The following RBMS3 variants were observed in gnomAD, a reference collection of about 807,000 sequenced individuals.
The protein encoded by RBMS3 is RNA binding motif single stranded interacting protein 3.
A neutral mutation model predicts 66.8 loss-of-function variants in RBMS3; 27 were observed. The observed-to-expected ratio is 0.40, with a 90% CI of 0.30 to 0.56. RBMS3 has a LOEUF of 0.56. RBMS3 is among the 20% of genes least tolerant of loss of function. The pLI is 0.40. For missense variants in RBMS3, 513 were observed against 549.5 expected (o/e 0.93, Z 0.66); for synonymous variants, 188 against 183.0 (o/e 1.03, Z -0.22).
intron 14 of RBMS3, chr3:29,991,661 A>T (rs2149803230): frequency 6.5e-6 from 1 of 153,584 alleles, no homozygotes; most frequent in Middle Eastern, 3.4e-3. Context: ...TCAATGTAGC[A>T]GTTCACTTTG....
intron 6 of RBMS3, among the ~76,000 whole-genome samples, chr3:29,853,788 C>T (rs970318798): frequency 1.3e-5 from 2 of 152,110 alleles, no homozygotes; most frequent in African/African-American, 4.8e-5. Flanking sequence ...GGAGCTTTGG[C>T]TCTTTGGGTG....
chr3:29,286,426 A>G (rs1286634542), intron 1 of RBMS3, among the ~76,000 whole-genome samples: 2 of 152,056 alleles, frequency 1.3e-5, no homozygotes, highest in Non-Finnish European at 2.9e-5. Flanking sequence ...TGCCTACTTA[A>G]AAGGAGTAGA....
At chr3:29,721,349 AT>A (rs1199810934) in intron 4 of RBMS3, among the ~76,000 whole-genome samples, 8 of 152,112 alleles carry the variant, frequency 5.3e-5, no homozygotes, top group Non-Finnish European at 1.2e-4. Flanking sequence ...TGGTGATGTA[AT>A]AACTATATAA....
intron 3 of RBMS3, among the ~76,000 whole-genome samples, chr3:29,491,788 T>A (rs1272110105): frequency 2.0e-5 from 3 of 152,098 alleles, no homozygotes; most frequent in Non-Finnish European, 4.4e-5. Flanking sequence ...GGTCAGGAGA[T>A]CGAGACCATC....
chr3:29,785,784 G>C (rs991596624), intron 6 of RBMS3, among the ~76,000 whole-genome samples: 1 of 152,036 alleles, frequency 6.6e-6, no homozygotes, highest in Non-Finnish European at 1.5e-5. Flanking sequence ...ACTGGAACAA[G>C]AGAAGGACTC....
At chr3:29,809,686 T>G (rs1183612002) in intron 6 of RBMS3, among the ~76,000 whole-genome samples, 1 of 152,018 alleles carries the variant, frequency 6.6e-6, no homozygotes, top group East Asian at 1.9e-4. Context: ...CTCACAGATT[T>G]TTTTTTAGGA....
intron 14 of RBMS3, among the ~76,000 whole-genome samples, chr3:29,998,452 C>T (rs201189544): frequency 0.1 from 15,579 of 151,930 alleles, 1,252 homozygotes; most frequent in African/African-American, 0.19. Flanking sequence ...GAGCCCACAT[C>T]GCCAAGTCAA....
chr3:29,868,915 A>G lies in RBMS3; in HGVS notation c.695A>G (p.Asn232Ser). ...FADGGQKKRQNQSKYTQNGRP... is the reference protein window; with the variant it reads ...FADGGQKKRQSQSKYTQNGRP... The stretch of plus-strand genomic sequence containing the variant: ...GATGGAGGACAAAAGAAGCGACAGA[A>G]TCAAAGCAAATATACCCAGAATGGG... The change falls in exon 7 of 15, where the codon AAT (asparagine) becomes AGT (serine). Residue 232 changes from asparagine (N) to serine (S), a missense_variant. Asn to Ser is a conservative substitution (Grantham distance 46, BLOSUM62 1). Transcript: ENST00000383767. The G allele has an allele frequency of 6.2e-7, 1 of 1,604,810 alleles. No homozygotes were observed. Among genetic ancestry groups the G allele is most frequent in the South Asian group, 1.1e-5 (1 of 89,108 alleles).
chr3:29,467,966 T>G (rs577466654), intron 2 of RBMS3, among the ~76,000 whole-genome samples: 1 of 152,162 alleles, frequency 6.6e-6, no homozygotes, highest in South Asian at 2.1e-4. Context: ...ATTAAGAACT[T>G]TTTTCTTGGT....
intron 12 of RBMS3, among the ~76,000 whole-genome samples, chr3:29,963,420 C>T (rs1696612694): frequency 6.6e-6 from 1 of 152,182 alleles, no homozygotes; most frequent in Non-Finnish European, 1.5e-5. Flanking sequence ...TCCTCTCAGT[C>T]TTATGAGATA....
chr3:29,595,625 T>A (rs1576323565), intron 4 of RBMS3, among the ~76,000 whole-genome samples: 2 of 152,244 alleles, frequency 1.3e-5, no homozygotes, highest in African/African-American at 4.8e-5. Context: ...ACCATTGTTG[T>A]CCATGGGGTG....
At position 29,997,488 on chromosome 3, in the gene RBMS3, T is replaced by C. The variant is rs559937168; in HGVS notation, c.1307+6279T>C. On this transcript the variant is annotated intron_variant, in intron 14 of 14. Coordinates refer to ENST00000383767, the MANE Select transcript of RBMS3 (RefSeq NM_001003793.3). ...AAAAAAAGAGAATTTGAGACCGATA[T>C]CCTTGATGAACATTGATGCAAAAAT... 3.4e-5 allele frequency among the ~76,000 whole-genome samples: 5 copies of C among 148,670 alleles called. No homozygotes were observed. In the South Asian group the frequency reaches 1.1e-3, roughly 33 times the overall value.
chr3:29,500,937 TA>T (rs1017833285), intron 3 of RBMS3, among the ~76,000 whole-genome samples: 1 of 152,074 alleles, frequency 6.6e-6, no homozygotes, highest in Non-Finnish European at 1.5e-5. Flanking sequence ...AAGATTTACC[TA>T]AAAGTTTATA....
intron 3 of RBMS3, among the ~76,000 whole-genome samples, chr3:29,584,507 T>C (rs892810339): frequency 2.0e-5 from 3 of 152,126 alleles, no homozygotes; most frequent in Non-Finnish European, 2.9e-5. Context: ...GATTTGACAT[T>C]TCTATTTAGA....
Position 30,003,994 on chromosome 3 carries a change from G to C in RBMS3, c.*132G>C. The C allele has an allele frequency of 1.5e-6, 1 of 669,908 alleles. No individual in the cohort carries two copies. The highest frequency in any genetic ancestry group is 2.2e-6 in the Non-Finnish European group (1 of 452,396). 41.5% of individuals were successfully genotyped at this position (669,908 alleles called of 1,614,324 possible). ...TGTTGTTGTTGTTGTTTTTTTTTTAGTGTTATACCTTACCCAATGAAAGCA... is the reference window on the plus strand; with the variant it reads ...TGTTGTTGTTGTTGTTTTTTTTTTACTGTTATACCTTACCCAATGAAAGCA... On this transcript the variant is annotated 3_prime_UTR_variant, in exon 15 of 15. Transcript: ENST00000383767.
intron 4 of RBMS3, among the ~76,000 whole-genome samples, chr3:29,736,896 T>G (rs1033464317): frequency 2.0e-5 from 3 of 152,200 alleles, no homozygotes; most frequent in Non-Finnish European, 4.4e-5. Context: ...AGCTATAATT[T>G]GAAAACATGA....
At chr3:29,379,936 A>T (rs563422504) in intron 1 of RBMS3, among the ~76,000 whole-genome samples, 2 of 152,306 alleles carry the variant, frequency 1.3e-5, no homozygotes, top group South Asian at 2.1e-4. Flanking sequence ...TTTAGTCAGT[A>T]TAGTCAGGAA....
intron 8 of RBMS3, among the ~76,000 whole-genome samples, chr3:29,893,000 G>T (rs1236164624): frequency 1.3e-5 from 2 of 151,262 alleles, no homozygotes; most frequent in African/African-American, 4.9e-5. Context: ...TCTTTAGATA[G>T]GTACCTCTAA....
At chr3:29,299,901 G>A (rs2033555025) in intron 1 of RBMS3, among the ~76,000 whole-genome samples, 1 of 151,486 alleles carries the variant, frequency 6.6e-6, no homozygotes, top group African/African-American at 2.4e-5. Context: ...CTAACAAATA[G>A]TCTTATAAAA....
Sources: gnomAD v4.1 joint callset for allele counts (sites outside exome capture counted in the v4.1 genomes callset) on GRCh38, gnomAD v4.1.1 for gene constraint, MANE v1.5 for transcripts, NCBI Gene and HGNC (gene_info 2026-07-23, HGNC 2026-07-21) for gene names.